Variants in PRKD1 observed in about 807,000 individuals in gnomAD.
PRKD1 encodes the protein protein kinase D1, also known as serine/threonine-protein kinase D1.
In PRKD1, 63 loss-of-function variants were observed where a neutral mutation model predicts 95.9. The ratio of observed to expected loss-of-function variants is 0.66; its 90% CI spans 0.54 to 0.81. The LOEUF (loss-of-function observed/expected upper bound fraction) is 0.81. Ranked by LOEUF, PRKD1 falls within the 30% of genes least tolerant of loss-of-function variation. The pLI, the probability that PRKD1 is intolerant of heterozygous loss-of-function variation, is 0.00. For synonymous variants in PRKD1, 425 were observed against 423.1 expected (o/e 1.00, Z -0.05); for missense variants, 1,048 against 1,165.3 (o/e 0.90, Z 1.47).
chr14:29,916,277 T>C (rs1487582405), intron 1 of PRKD1, among the ~76,000 whole-genome samples: 1 of 152,228 alleles, frequency 6.6e-6, no homozygotes, highest in Non-Finnish European at 1.5e-5. Flanking sequence ...ACTCCGCTTG[T>C]AAAAAGCAAC....
At chr14:29,687,073 C>T (rs1396214424) in intron 2 of PRKD1, among the ~76,000 whole-genome samples, 2 of 152,034 alleles carry the variant, frequency 1.3e-5, no homozygotes, top group African/African-American at 4.8e-5. Flanking sequence ...GCGACCCCAA[C>T]TCTGTTTTTC....
intron 2 of PRKD1, among the ~76,000 whole-genome samples, chr14:29,684,182 A>C: frequency 1.4e-5 from 2 of 142,200 alleles, no homozygotes; most frequent in East Asian, 2.0e-4. Flanking sequence ...ATGGAGTCTC[A>C]CTCTATCGCC....
chr14:29,827,729 C>G (rs1250562467), intron 1 of PRKD1, among the ~76,000 whole-genome samples: 1 of 152,166 alleles, frequency 6.6e-6, no homozygotes, highest in Non-Finnish European at 1.5e-5. Flanking sequence ...TATATATTCT[C>G]TGGTTTCCCA....
intron 1 of PRKD1, among the ~76,000 whole-genome samples, chr14:29,813,229 T>C (rs139188620): frequency 1.3e-5 from 2 of 152,322 alleles, no homozygotes; most frequent in African/African-American, 2.4e-5. Context: ...TATCTTTATT[T>C]ATAAAAAGAG....
At chr14:29,854,889 G>T (rs182022689) in intron 1 of PRKD1, among the ~76,000 whole-genome samples, 2 of 152,322 alleles carry the variant, frequency 1.3e-5, no homozygotes, top group East Asian at 3.9e-4. Flanking sequence ...GGCTTCAGAG[G>T]GTTGAAGCCC....
At chr14:29,779,918 T>C (rs1165376985) in intron 1 of PRKD1, among the ~76,000 whole-genome samples, 4 of 152,308 alleles carry the variant, frequency 2.6e-5, no homozygotes, top group Non-Finnish European at 1.5e-5. Flanking sequence ...CAAAACAGCA[T>C]GGTACTGGTA....
chr14:29,799,679 G>A (rs753060302), intron 1 of PRKD1, among the ~76,000 whole-genome samples: 3 of 152,190 alleles, frequency 2.0e-5, no homozygotes, highest in Non-Finnish European at 4.4e-5. Flanking sequence ...AACTGCTTAT[G>A]TAGATCTGAT....
intron 8 of PRKD1, 118 bp from the exon 9 acceptor site, chr14:29,633,064 C>A (rs1479284336): frequency 4.3e-6 from 4 of 921,220 alleles, no homozygotes; most frequent in African/African-American, 3.3e-5. Flanking sequence ...AGTGCATGGG[C>A]TTTGGGAAAG....
chr14:29,767,065 T>C (rs1888289898), intron 1 of PRKD1, among the ~76,000 whole-genome samples: 1 of 152,166 alleles, frequency 6.6e-6, no homozygotes, highest in South Asian at 2.1e-4. Flanking sequence ...GTAGTTAATC[T>C]TACTACTTCT....
At chr14:29,686,951 T>C (rs1418438294) in intron 2 of PRKD1, among the ~76,000 whole-genome samples, 1 of 152,094 alleles carries the variant, frequency 6.6e-6, no homozygotes, top group Non-Finnish European at 1.5e-5. Context: ...CAGAGCCTTC[T>C]TCCACCTAGT....
chr14:29,881,855 A>G (rs1566652526), intron 1 of PRKD1, among the ~76,000 whole-genome samples: 2 of 152,178 alleles, frequency 1.3e-5, no homozygotes, highest in African/African-American at 2.4e-5. Context: ...CCCCACCCAA[A>G]GAAGTTATTA....
intron 1 of PRKD1, among the ~76,000 whole-genome samples, chr14:29,854,062 C>T (rs1000266677): frequency 6.6e-6 from 1 of 152,170 alleles, no homozygotes; most frequent in Non-Finnish European, 1.5e-5. Context: ...AAGACTAATA[C>T]AGTAAATTGG....
chr14:29,878,410 T>C (rs1893383924), intron 1 of PRKD1, among the ~76,000 whole-genome samples: 1 of 144,916 alleles, frequency 6.9e-6, no homozygotes, highest in African/African-American at 2.6e-5. Flanking sequence ...CTCTTAGGTA[T>C]ATACTGAAAA....
intron 2 of PRKD1, among the ~76,000 whole-genome samples, chr14:29,709,207 G>T (rs1380446402): frequency 6.6e-6 from 1 of 151,998 alleles, no homozygotes; most frequent in African/African-American, 2.4e-5. Context: ...TACTAGTAAA[G>T]AATTTTAAAA....
intron 1 of PRKD1, among the ~76,000 whole-genome samples, chr14:29,780,844 G>A (rs376367628): frequency 3.3e-5 from 5 of 152,176 alleles, no homozygotes; most frequent in East Asian, 1.9e-4. Context: ...GCACACGTAC[G>A]TTTATTCCAG....
chr14:29,870,744 T>C (rs758589684), intron 1 of PRKD1, among the ~76,000 whole-genome samples: 50 of 152,230 alleles, frequency 3.3e-4, no homozygotes, highest in Non-Finnish European at 5.4e-4. Flanking sequence ...GTCTATTATA[T>C]GGTTATAAAT....
rs189658060 is a variant in PRKD1 at position 29,709,085 on chromosome 14, A to G, written c.403+16451T>C. ...GATGGCAAATTCAGATCTAAAGAGA[A>G]GAGCTTCCTATATCTATTGATTAGC... On this transcript the variant is annotated intron_variant, in intron 2 of 17. Coordinates refer to ENST00000331968, the MANE Select transcript of PRKD1 (RefSeq NM_002742.3). Among the ~76,000 whole-genome samples, 371 of 152,266 alleles carry G rather than the reference A, an allele frequency of 2.4e-3. 3 individuals are homozygous for G. Among genetic ancestry groups the G allele is most frequent in the African/African-American group, 8.1e-3 (338 of 41,546 alleles).
intron 1 of PRKD1, among the ~76,000 whole-genome samples, chr14:29,888,240 T>A (rs1233049605): frequency 6.6e-6 from 1 of 151,510 alleles, no homozygotes; most frequent in Non-Finnish European, 1.5e-5. Context: ...GGAGTGATCC[T>A]ATGATTTTGC....
At chr14:29,771,965 T>A (rs1337979132) in intron 1 of PRKD1, among the ~76,000 whole-genome samples, 2 of 152,248 alleles carry the variant, frequency 1.3e-5, no homozygotes, top group Admixed American at 1.3e-4. Flanking sequence ...GTTCCACCAC[T>A]GTATTTTCAA....
Sources: allele counts gnomAD v4.1 joint callset (sites outside exome capture counted in the v4.1 genomes callset), GRCh38; gene constraint gnomAD v4.1.1; transcripts MANE v1.5; gene names NCBI Gene and HGNC (gene_info 2026-07-23, HGNC 2026-07-21).